The following HS3ST2 variants were observed in gnomAD, a reference collection of about 807,000 sequenced individuals.
HS3ST2 encodes heparan sulfate glucosamine 3-O-sulfotransferase 2.
A neutral mutation model predicts 26.3 loss-of-function variants in HS3ST2; 17 were observed. The observed-to-expected ratio is 0.65, with a 90% CI of 0.44 to 0.97. HS3ST2 has a LOEUF of 0.97. Ranked by LOEUF, HS3ST2 falls within the 50% of genes least tolerant of loss-of-function variation. HS3ST2 has a pLI of 0.00. For missense variants in HS3ST2, 402 were observed against 501.2 expected (o/e 0.80, Z 1.89); for synonymous variants, 237 against 219.2 (o/e 1.08, Z -0.72).
rs199761070 is a variant in HS3ST2 at position 22,915,163 on chromosome 16, C to T, written c.705C>T (p.Asn235=). Residue 235 remains asparagine (N), a synonymous_variant, in exon 2 of 2, where the codon AAC becomes AAT. Coordinates refer to ENST00000261374, the MANE Select transcript of HS3ST2 (RefSeq NM_006043.2). Reference sequence around the variant, plus strand: ...CCTTTGAGGGCCTCTCCTTCCGCAACCGCACCCTGGGCCTGGTGGACGTGT... The same window carrying T: ...CCTTTGAGGGCCTCTCCTTCCGCAATCGCACCCTGGGCCTGGTGGACGTGT... ...IPTFEGLSFR[N]RTLGLVDVSW... 214 of 1,614,120 alleles carry T rather than the reference C, an allele frequency of 1.3e-4. 1 individual carries two copies. In the East Asian group the frequency reaches 3.1e-3, roughly 23 times the overall value.
At chr16:22,888,227 G>C (rs1902087283) in intron 1 of HS3ST2, among the ~76,000 whole-genome samples, 1 of 152,072 alleles carries the variant, frequency 6.6e-6, no homozygotes, top group Admixed American at 6.5e-5. Context: ...GGGGACAGGA[G>C]AACCAAATCT....
chr16:22,913,826 C>T (rs1902455839), intron 1 of HS3ST2, among the ~76,000 whole-genome samples: 1 of 152,080 alleles, frequency 6.6e-6, no homozygotes, highest in African/African-American at 2.4e-5. Context: ...CATAGTGAGA[C>T]CCTATCTCTA....
intron 1 of HS3ST2, among the ~76,000 whole-genome samples, chr16:22,876,307 C>T (rs980592075): frequency 6.0e-5 from 9 of 150,954 alleles, no homozygotes; most frequent in Admixed American, 6.6e-5. Flanking sequence ...AGACAATTCT[C>T]GAAAAAAAAG....
Position 22,899,442 on chromosome 16 carries a change from G to T in HS3ST2, c.486-15502G>T, listed in dbSNP as rs184361567. On this transcript the variant is annotated intron_variant, in intron 1 of 1. Coordinates refer to ENST00000261374, the MANE Select transcript of HS3ST2 (RefSeq NM_006043.2). The stretch of plus-strand genomic sequence containing the variant: ...GATGCAAGGTCACCTACTAAGAGTG[G>T]CAAGAAAGGGCAGGGTTTGGTCATT... Among the ~76,000 whole-genome samples the T allele has an allele frequency of 2.0e-5, 3 of 152,308 alleles. No homozygotes were observed. The East Asian group carries it at 5.8e-4, about 29-fold the overall frequency.
chr16:22,822,940 T>A (rs1207588487), intron 1 of HS3ST2, among the ~76,000 whole-genome samples: 3 of 152,064 alleles, frequency 2.0e-5, no homozygotes, highest in Admixed American at 2.0e-4. Context: ...AGAAAATTAA[T>A]CCCTTCCTTT....
chr16:22,904,206 G>A (rs987524357), intron 1 of HS3ST2, among the ~76,000 whole-genome samples: 2 of 152,128 alleles, frequency 1.3e-5, no homozygotes, highest in African/African-American at 4.8e-5. Context: ...ACTAGGAAAA[G>A]GGGACCCTGC....
At chr16:22,862,815 T>A (rs1901697788) in intron 1 of HS3ST2, among the ~76,000 whole-genome samples, 1 of 152,208 alleles carries the variant, frequency 6.6e-6, no homozygotes, top group Admixed American at 6.5e-5. Context: ...CCTACGGGGA[T>A]GAAGGGGGCA....
chr16:22,827,939 T>G (rs979119881), intron 1 of HS3ST2, among the ~76,000 whole-genome samples: 7 of 151,918 alleles, frequency 4.6e-5, no homozygotes, highest in Non-Finnish European at 8.8e-5. Context: ...CCAATTCCTC[T>G]CAAGCAATCC....
At chr16:22,895,227 T>C (rs574207429) in intron 1 of HS3ST2, among the ~76,000 whole-genome samples, 1 of 152,024 alleles carries the variant, frequency 6.6e-6, no homozygotes, top group Non-Finnish European at 1.5e-5. Flanking sequence ...GTAGCTGGGA[T>C]TACAGGCACC....
At chr16:22,876,607 G>T (rs1362760757) in intron 1 of HS3ST2, among the ~76,000 whole-genome samples, 1 of 152,260 alleles carries the variant, frequency 6.6e-6, no homozygotes, top group South Asian at 2.1e-4. Flanking sequence ...TCTACCATTT[G>T]ACCCAGCAAT....
intron 1 of HS3ST2, among the ~76,000 whole-genome samples, chr16:22,830,135 T>G (rs569142200): frequency 1.3e-5 from 2 of 150,190 alleles, no homozygotes; most frequent in Admixed American, 1.3e-4. Flanking sequence ...ATGTTGAGTT[T>G]GTGATGCTGT....
At chr16:22,897,015 C>T (rs866192913) in intron 1 of HS3ST2, among the ~76,000 whole-genome samples, 56 of 151,926 alleles carry the variant, frequency 3.7e-4, no homozygotes, top group African/African-American at 1.3e-3. Flanking sequence ...CACCATGTTG[C>T]CCAGGCTGGT....
At chr16:22,907,550 C>G (rs554505531) in intron 1 of HS3ST2, among the ~76,000 whole-genome samples, 2 of 152,248 alleles carry the variant, frequency 1.3e-5, no homozygotes, top group South Asian at 4.1e-4. Context: ...GTAAAACTTA[C>G]AAGAACGAAA....
At chr16:22,865,488 G>A (rs113993550) in intron 1 of HS3ST2, among the ~76,000 whole-genome samples, 384 of 149,722 alleles carry the variant, frequency 2.6e-3, no homozygotes, top group African/African-American at 8.2e-3. Flanking sequence ...CCCAGGAGGC[G>A]GAGGTTGCAG....
intron 1 of HS3ST2, among the ~76,000 whole-genome samples, chr16:22,874,932 A>G (rs555278525): frequency 2.3e-4 from 35 of 152,226 alleles, no homozygotes; most frequent in Non-Finnish European, 4.1e-4. Context: ...GGAAGGGCAC[A>G]GGGGCCAAGG....
rs149921398 is a variant in HS3ST2, at chr16:22,878,135, G to A, written c.486-36809G>A. Among the ~76,000 whole-genome samples, 413 of 152,334 alleles carry A rather than the reference G, an allele frequency of 2.7e-3. 2 individuals carry two copies. The highest frequency in any genetic ancestry group is 8.8e-3 in the African/African-American group (366 of 41,576). On this transcript the variant is annotated intron_variant, in intron 1 of 1. Coordinates refer to ENST00000261374, the MANE Select transcript of HS3ST2 (RefSeq NM_006043.2). ...GTACCAGATCTGGAAAGGTCCAAGTGCACTGCTCAAATATATTTAGAATTT... is the reference window on the plus strand; with the variant it reads ...GTACCAGATCTGGAAAGGTCCAAGTACACTGCTCAAATATATTTAGAATTT...
chr16:22,850,829 A>G (rs952822009), intron 1 of HS3ST2, among the ~76,000 whole-genome samples: 4 of 152,094 alleles, frequency 2.6e-5, no homozygotes, highest in African/African-American at 9.7e-5. Context: ...AAAACACAAC[A>G]ACAACAAAAA....
chr16:22,894,975 A>C (rs1902187823), intron 1 of HS3ST2, among the ~76,000 whole-genome samples: 1 of 151,790 alleles, frequency 6.6e-6, no homozygotes, highest in Non-Finnish European at 1.5e-5. Flanking sequence ...ATCTAGTGCT[A>C]ATCAGAGAGG....
chr16:22,867,486 C>A (rs913774313), intron 1 of HS3ST2, among the ~76,000 whole-genome samples: 1 of 151,976 alleles, frequency 6.6e-6, no homozygotes, highest in Non-Finnish European at 1.5e-5. Flanking sequence ...GTGTAGATAT[C>A]CTGAACTTGT....
Sources: allele counts gnomAD v4.1 joint callset (sites outside exome capture counted in the v4.1 genomes callset), GRCh38; gene constraint gnomAD v4.1.1; transcripts MANE v1.5; gene names NCBI Gene and HGNC (gene_info 2026-07-23, HGNC 2026-07-21).